Variants in LRBA observed in about 807,000 individuals in gnomAD.
LRBA encodes the protein LPS responsive beige-like anchor protein, also known as lipopolysaccharide-responsive and beige-like anchor protein.
Under a neutral mutation model 330.0 loss-of-function variants are expected in LRBA, and 176 were observed. The ratio of observed to expected loss-of-function variants is 0.53; its 90% CI spans 0.47 to 0.60. The LOEUF is 0.60. Among genes scored for constraint, LRBA ranks in the 20% least tolerant of loss-of-function variants. The pLI is 0.00. For missense variants in LRBA, 3,259 were observed against 3,444.8 expected (o/e 0.95, Z 1.35); for synonymous variants, 1,230 against 1,193.0 (o/e 1.03, Z -0.64).
At chr4:150,770,393 AGCT>A (rs1190135957) in intron 34 of LRBA, among the ~76,000 whole-genome samples, 1 of 151,994 alleles carries the variant, frequency 6.6e-6, no homozygotes, top group Non-Finnish European at 1.5e-5. Context: ...TCCCCACCTT[AGCT>A]GATATGTATA....
At chr4:150,359,020 C>T (rs1036073062) in intron 47 of LRBA, among the ~76,000 whole-genome samples, 5 of 152,054 alleles carry the variant, frequency 3.3e-5, no homozygotes, top group Non-Finnish European at 5.9e-5. Flanking sequence ...CAAAGTAGAA[C>T]ATTTATTATG....
rs749692529 is a variant in LRBA, at chr4:150,900,085, G to T, written c.1888C>A (p.Pro630Thr). Reference protein sequence around the residue: ...TLKYYYWAVNPQDRSGITPKG... With the variant: ...TLKYYYWAVNTQDRSGITPKG... ...GGGGTGATACCACTTCGATCCTGAG[G>T]ATTCACTGCCCAGTAGTAGTACTTC... Residue 630 changes from proline (P) to threonine (T), a missense_variant, in exon 14 of 57, where the codon CCT becomes ACT. Physicochemically the swap from Pro to Thr is conservative, Grantham distance 38. Transcript: ENST00000651943. 1 of 1,613,414 alleles carries T rather than the reference G, an allele frequency of 6.2e-7. No individual in the cohort carries two copies. The highest frequency in any genetic ancestry group is 1.1e-5 in the South Asian group (1 of 91,010).
Position 150,648,158 on chromosome 4 carries a change from C to CAAAAAAAAAAAA in LRBA, c.5921+35381_5921+35392dup. On this transcript the variant is annotated intron_variant, in intron 37 of 56. Transcript: ENST00000651943. Reference sequence around the variant, plus strand: ...TCAGAAGAGAAAGGAACACAAGTAGCAAAAAAAAAAAAAAAAAAACTAGAA... The same window carrying CAAAAAAAAAAAA: ...TCAGAAGAGAAAGGAACACAAGTAGCAAAAAAAAAAAAAAAAAAAAAAAAAAAAAAACTAGAA... Among the ~76,000 whole-genome samples the CAAAAAAAAAAAA allele has an allele frequency of 6.5e-3, 118 of 18,078 alleles. 19 individuals are homozygous for CAAAAAAAAAAAA. The highest frequency in any genetic ancestry group is 0.042 in the Middle Eastern group (1 of 24). The allele number at this position is 18,078 out of a possible 152,430, so 11.9% of individuals were successfully genotyped here.
In LRBA at chr4:150,321,341, G is replaced by T; in HGVS notation, c.7480C>A (p.Gln2494Lys). The change falls in exon 50 of 57, where the codon CAG becomes AAG. Residue 2494 changes from glutamine to lysine, a missense_variant. Transcript: ENST00000651943. The surrounding 1 kb of genome is among the most constrained non-coding windows in gnomAD (Gnocchi z 4.5). ...TTGAGGACCATGATAACATCCTGCT[G>T]GGCTTTGTCTGTGAACATCAATGGA... ...VSPLMFTDKAQQDVIMVLKFP... is the reference protein window; with the variant it reads ...VSPLMFTDKAKQDVIMVLKFP... The T allele has an allele frequency of 6.2e-7, 1 of 1,603,140 alleles. No individual in the cohort carries two copies. The highest frequency in any genetic ancestry group is 8.5e-7 in the Non-Finnish European group (1 of 1,176,528).
chr4:150,872,271 G>T (rs1753527328), intron 18 of LRBA, among the ~76,000 whole-genome samples: 1 of 152,140 alleles, frequency 6.6e-6, no homozygotes, highest in Non-Finnish European at 1.5e-5. Context: ...AAGAAAATAA[G>T]CGTGGAAGTT....
At chr4:150,780,340 T>C (rs550321687) in intron 34 of LRBA, among the ~76,000 whole-genome samples, 198 of 152,276 alleles carry the variant, frequency 1.3e-3, no homozygotes, top group Non-Finnish European at 2.0e-3. Flanking sequence ...AATGGTGATA[T>C]CTACAGAATT....
chr4:150,357,320 A>T (rs910280655), intron 47 of LRBA, among the ~76,000 whole-genome samples: 1 of 151,972 alleles, frequency 6.6e-6, no homozygotes, highest in African/African-American at 2.4e-5. Context: ...CTAGTCAACC[A>T]GCTGTTATAT....
chr4:150,290,948 T>C (rs1037995004), intron 53 of LRBA, among the ~76,000 whole-genome samples: 9 of 152,174 alleles, frequency 5.9e-5, no homozygotes, highest in African/African-American at 1.2e-4. Context: ...ATTGGACTTA[T>C]GTTTTATTTA....
Position 150,597,087 on chromosome 4 carries a change from G to T in LRBA, c.6046+1920C>A, listed in dbSNP as rs1773577535. On this transcript the variant is annotated intron_variant, in intron 38 of 56. Coordinates refer to ENST00000651943, the MANE Select transcript of LRBA (RefSeq NM_001364905.1). ...AAAATATTACTCAATGCTTACCTTT[G>T]CTGTTCTCTCTCAATTTAAAAATGC... The T allele has an allele frequency of 3.6e-6, 5 of 1,393,416 alleles. No homozygotes were observed. The South Asian group carries it at 3.9e-5, about 11-fold the overall frequency. The allele number at this position is 1,393,416 out of a possible 1,614,324, so 86.3% of individuals were successfully genotyped here. A position where few individuals can be genotyped will look rare whatever the true frequency, so the allele number is the denominator to read the frequency against.
chr4:150,817,041 A>C, intron 31 of LRBA, 83 bp downstream of exon 31: 1 of 1,290,404 alleles, frequency 7.7e-7, no homozygotes, highest in Non-Finnish European at 1.1e-6. Context: ...GTGCCCCCAA[A>C]TTTTAAGTTA....
At chr4:150,819,824 C>A (rs972390437) in intron 30 of LRBA, among the ~76,000 whole-genome samples, 22 of 152,086 alleles carry the variant, frequency 1.4e-4, no homozygotes, top group African/African-American at 5.3e-4. Context: ...CAAATAAGAT[C>A]TTATTCTTTT....
chr4:150,832,727 A>G (rs1747382616), intron 28 of LRBA, among the ~76,000 whole-genome samples: 1 of 152,230 alleles, frequency 6.6e-6, no homozygotes, highest in Non-Finnish European at 1.5e-5. Flanking sequence ...AACATGCAGA[A>G]GAAAAAAACT....
chr4:150,834,845 T>C (rs573605645), intron 28 of LRBA, among the ~76,000 whole-genome samples: 2 of 152,298 alleles, frequency 1.3e-5, no homozygotes, highest in South Asian at 4.1e-4. Flanking sequence ...TTTGTTGCCA[T>C]TGCTTTTGGT....
intron 36 of LRBA, among the ~76,000 whole-genome samples, chr4:150,685,163 G>A (rs1206458929): frequency 1.3e-5 from 2 of 151,402 alleles, no homozygotes; most frequent in East Asian, 1.9e-4. Context: ...TATGAAAATT[G>A]TAGAAAAACA....
chr4:150,992,051 C>T (rs935367416), intron 2 of LRBA, among the ~76,000 whole-genome samples: 11 of 152,170 alleles, frequency 7.2e-5, no homozygotes, highest in Non-Finnish European at 4.4e-5. Flanking sequence ...CGCAGTGGCT[C>T]ATGCCTGTAA....
intron 53 of LRBA, among the ~76,000 whole-genome samples, chr4:150,295,875 ACTTG>A (rs1728918793): frequency 6.6e-6 from 1 of 152,024 alleles, no homozygotes; most frequent in African/African-American, 2.4e-5. Context: ...CTTTTTTCCT[ACTTG>A]CTTGAGACTT....
intron 47 of LRBA, among the ~76,000 whole-genome samples, chr4:150,394,911 G>A (rs1195526852): frequency 1.3e-5 from 2 of 152,142 alleles, no homozygotes; most frequent in Admixed American, 1.3e-4. Context: ...TATGCTTGTA[G>A]TCATGGCTTA....
In LRBA at chr4:150,265,656, G is replaced by A; in HGVS notation, c.*66C>T. 4.9e-6 allele frequency: 5 copies of A among 1,018,920 alleles called. No homozygotes were observed. Among genetic ancestry groups the A allele is most frequent in the African/African-American group, 3.1e-5 (2 of 63,636 alleles). 63.1% of individuals were successfully genotyped at this position (1,018,920 alleles called of 1,614,324 possible). ...ATTTAAGTTACATTCAGATGTGGTA[G>A]AAGAGAATGATGCTCCAGGTACTTC... On this transcript the variant is annotated 3_prime_UTR_variant, in exon 57 of 57. Transcript: ENST00000651943.
intron 37 of LRBA, among the ~76,000 whole-genome samples, chr4:150,599,795 A>G (rs1248606343): frequency 6.6e-6 from 1 of 152,178 alleles, no homozygotes; most frequent in Admixed American, 6.5e-5. Flanking sequence ...AAGAAAATGC[A>G]TTTCTTTTCC....
Sources: gnomAD v4.1 joint callset for allele counts (sites outside exome capture counted in the v4.1 genomes callset) on GRCh38, gnomAD v4.1.1 for gene constraint, Gnocchi (gnomAD v3.1) non-coding constraint, MANE v1.5 for transcripts, NCBI Gene and HGNC (gene_info 2026-07-23, HGNC 2026-07-21) for gene names.